Variants in KRT7 observed in about 807,000 individuals in gnomAD.
KRT7 encodes keratin 7.
KRT7 carries 50 observed loss-of-function variants against 42.8 expected under a neutral mutation model. That is an observed-to-expected ratio of 1.17 (90% CI 0.93 to 1.48). The LOEUF (loss-of-function observed/expected upper bound fraction) is 1.48. Among genes scored for constraint, KRT7 ranks in the 40% most tolerant of loss-of-function variants. The pLI, the probability that KRT7 is intolerant of heterozygous loss-of-function variation, is 0.00. For synonymous variants in KRT7, 268 were observed against 266.3 expected (o/e 1.01, Z -0.06); for missense variants, 588 against 637.6 (o/e 0.92, Z 0.84).
Position 52,238,774 on chromosome 12 carries a change from C to A in KRT7, c.692C>A (p.Thr231Lys). Residue 231 changes from threonine (T) to lysine (K), a missense_variant and splice_region_variant, in exon 4 of 9, where the codon ACG becomes AAG. By Grantham distance (78) the Thr-to-Lys change is moderately conservative. Transcript: ENST00000331817. ...AACTTCCTCAGGACCCTCAATGAGA[C>A]GGTGAGGACCATGGAGCTGGGTGAC... is the stretch of plus-strand genomic sequence containing the variant. ...EINFLRTLNETELTELQSQIS... is the reference protein window; with the variant it reads ...EINFLRTLNEKELTELQSQIS... 1 of 1,593,430 alleles carries A rather than the reference C, an allele frequency of 6.3e-7. No homozygotes were observed. The highest frequency in any genetic ancestry group is 8.6e-7 in the Non-Finnish European group (1 of 1,161,020).
At chr12:52,239,033 A>C (rs1350280700) in intron 4 of KRT7, among the ~76,000 whole-genome samples, 1 of 152,248 alleles carries the variant, frequency 6.6e-6, no homozygotes, top group Non-Finnish European at 1.5e-5. Context: ...CCTCTAGTGC[A>C]CAGGTCCCTC....
At chr12:52,234,333 C>T (rs1057454643) in intron 1 of KRT7, among the ~76,000 whole-genome samples, 7 of 152,234 alleles carry the variant, frequency 4.6e-5, no homozygotes, top group African/African-American at 1.7e-4. Context: ...CTGGAGGGGG[C>T]GAGGGCAGAC....
At chr12:52,254,270 TC>T, downstream of KRT7, 1 of 942,372 alleles carries the variant, frequency 1.1e-6, no homozygotes. Flanking sequence ...ACCCCGCACC[TC>T]CTCATATAGC....
In KRT7 at chr12:52,237,380, G is replaced by GT. The variant is rs1379284418; in HGVS notation, c.537-123dup. On this transcript the variant is annotated intron_variant, in intron 2 of 8. Coordinates refer to ENST00000331817, the MANE Select transcript of KRT7 (RefSeq NM_005556.4). Reference sequence around the variant, plus strand: ...AAATTTGGTTTTGTAGCTGACACCTGTTTTTTCAGGTGTGTCTTTAAAGAG... The same window carrying GT: ...AAATTTGGTTTTGTAGCTGACACCTGTTTTTTTCAGGTGTGTCTTTAAAGAG... 5 of 622,940 alleles carry GT rather than the reference G, an allele frequency of 8.0e-6. No individual in the cohort carries two copies. The South Asian group carries it at 9.3e-5, about 12-fold the overall frequency. 38.6% of individuals were successfully genotyped at this position (622,940 alleles called of 1,614,324 possible). A position where few individuals can be genotyped will look rare whatever the true frequency, so the allele number is the denominator to read the frequency against.
In KRT7 at chr12:52,248,742, C is replaced by T. The variant is rs1408833710; in HGVS notation, c.1392C>T (p.Arg464=). The T allele has an allele frequency of 1.9e-6, 3 of 1,582,932 alleles. No homozygotes were observed. The highest frequency in any genetic ancestry group is 1.7e-6 in the Non-Finnish European group (2 of 1,166,138). Residue 464 remains arginine (R), a synonymous_variant, in exon 9 of 9, where the codon CGC becomes CGT. Coordinates refer to ENST00000331817, the MANE Select transcript of KRT7 (RefSeq NM_005556.4). ...AYSIRTASAS[R]RSARD ...CCATCCGGACCGCATCCGCCAGTCG[C>T]AGGAGTGCCCGCGACTGAGCCGCCT...
At chr12:52,235,404 C>T (rs763888266) in intron 2 of KRT7, 38 bp downstream of exon 2, 47 of 1,543,146 alleles carry the variant, frequency 3.0e-5, no homozygotes, top group South Asian at 1.3e-4. Context: ...ACCCCTGCCC[C>T]GGGCCAATGT....
downstream of KRT7, chr12:52,253,488 C>T: frequency 6.4e-7 from 1 of 1,553,798 alleles, no homozygotes; most frequent in Non-Finnish European, 8.8e-7. Context: ...AGAGGCAGCC[C>T]TTATCTTCCC....
intron 5 of KRT7, among the ~76,000 whole-genome samples, chr12:52,242,390 G>C (rs1389693107): frequency 6.6e-6 from 1 of 152,212 alleles, no homozygotes; most frequent in East Asian, 1.9e-4. Flanking sequence ...GAGGGCCCTA[G>C]ACCTGGGAGG....
rs537765711 is a variant in KRT7, at chr12:52,240,540, G to C, written c.694-932G>C. On this transcript the variant is annotated intron_variant, in intron 4 of 8. Transcript: ENST00000331817. ...AGCTACACGGGAGGCTGAGACAGGA[G>C]AACTGGTTGAACCTGGAAGGTGGAG... Among the ~76,000 whole-genome samples, 4 of 152,130 alleles carry C rather than the reference G, an allele frequency of 2.6e-5. No individual in the cohort carries two copies. The East Asian group carries it at 5.8e-4, about 22-fold the overall frequency.
At chr12:52,241,400 G>A in intron 4 of KRT7, 72 bp from the exon 5 acceptor site, 1 of 1,324,714 alleles carries the variant, frequency 7.5e-7, no homozygotes, top group South Asian at 1.5e-5. Flanking sequence ...TCCTTTGTGA[G>A]TGGGGAATCC....
Position 52,235,239 on chromosome 12 carries a change from C to G in KRT7, c.409C>G (p.Leu137Val), listed in dbSNP as rs754269896. ...GCAGAAGTCGGCCAAGAGCAGCCGC[C>G]TCCCAGACATCTTTGAGGCCCAGAT... is the stretch of plus-strand genomic sequence containing the variant. ...QEQKSAKSSRLPDIFEAQIAG... is the reference protein window; with the variant it reads ...QEQKSAKSSRVPDIFEAQIAG... The change falls in exon 2 of 9, where the codon CTC (leucine) becomes GTC (valine). Residue 137 changes from leucine to valine, a missense_variant. Physicochemically the swap from Leu to Val is conservative, Grantham distance 32. Coordinates refer to ENST00000331817, the MANE Select transcript of KRT7 (RefSeq NM_005556.4). The G allele has an allele frequency of 2.2e-5, 35 of 1,614,196 alleles. No homozygotes were observed. In the East Asian group the frequency reaches 7.6e-4, roughly 35 times the overall value.
Position 52,235,329 on chromosome 12 carries a change from C to A in KRT7, c.499C>A (p.Arg167=). 6.2e-7 allele frequency: 1 copy of A among 1,613,506 alleles called. No individual in the cohort carries two copies. ...VDGGRLEAEL[R]SMQDVVEDFK... The stretch of plus-strand genomic sequence containing the variant: ...TGGGGGCCGCCTGGAGGCGGAGCTG[C>A]GGAGCATGCAGGATGTGGTGGAGGA... Residue 167 remains arginine (R), a synonymous_variant, in exon 2 of 9, where the codon CGG becomes AGG. Coordinates refer to ENST00000331817, the MANE Select transcript of KRT7 (RefSeq NM_005556.4).
chr12:52,234,947 A>G (rs1048145912), intron 1 of KRT7, among the ~76,000 whole-genome samples: 2 of 152,176 alleles, frequency 1.3e-5, no homozygotes, highest in African/African-American at 4.8e-5. Flanking sequence ...ACCACGGGGC[A>G]CTTCCGTGCA....
Position 52,238,789 on chromosome 12 carries a change from A to G in KRT7, c.693+14A>G, listed in dbSNP as rs7300317. 832,410 of 1,538,626 alleles carry G rather than the reference A, an allele frequency of 0.54. 227,895 individuals carry two copies. Among genetic ancestry groups the G allele is most frequent in the African/African-American group, 0.59 (42,985 of 73,420 alleles). Reference sequence around the variant, plus strand: ...CTCAATGAGACGGTGAGGACCATGGAGCTGGGTGACATGTCTTATCCTACC... The same window carrying G: ...CTCAATGAGACGGTGAGGACCATGGGGCTGGGTGACATGTCTTATCCTACC... On this transcript the variant is annotated intron_variant, in intron 4 of 8. Transcript: ENST00000331817.
At chr12:52,241,443 A>T in intron 4 of KRT7, 29 bp from the exon 5 acceptor site, 1 of 1,573,906 alleles carries the variant, frequency 6.4e-7, no homozygotes, top group South Asian at 1.2e-5. Context: ...TCCTGCCCTA[A>T]GTCCTGATGT....
Position 52,245,564 on chromosome 12 carries a change from G to A in KRT7, c.1137G>A (p.Met379Ile). Reference protein sequence around the residue: ...ARQLREYQELMSVKLALDIEI... With the variant: ...ARQLREYQELISVKLALDIEI... ...AGCTGCGTGAGTACCAGGAACTCAT[G>A]AGCGTGAAGCTGGCCCTGGACATCG... The change falls in exon 7 of 9, where the codon ATG becomes ATA. Residue 379 changes from methionine (M) to isoleucine (I), a missense_variant. By Grantham distance (10) the Met-to-Ile change is conservative (BLOSUM62 1). Transcript: ENST00000331817. The A allele has an allele frequency of 1.2e-6, 2 of 1,614,170 alleles. No homozygotes were observed. The highest frequency in any genetic ancestry group is 1.7e-4 in the Middle Eastern group (1 of 5,988).
At chr12:52,250,634 G>T, downstream of KRT7, 1 of 787,256 alleles carries the variant, frequency 1.3e-6, no homozygotes, top group Non-Finnish European at 2.1e-6. Flanking sequence ...CGCGAGAGCT[G>T]CTGACACCTG....
At chr12:52,234,969 T>C (rs1941989040) in intron 1 of KRT7, among the ~76,000 whole-genome samples, 186 bp from the exon 2 acceptor site, 1 of 152,232 alleles carries the variant, frequency 6.6e-6, no homozygotes, top group African/African-American at 2.4e-5. Flanking sequence ...CAGGCAGACC[T>C]GCTTCCTGGA....
At chr12:52,251,955 A>G, downstream of KRT7, 2 of 567,246 alleles carry the variant, frequency 3.5e-6, no homozygotes, top group Non-Finnish European at 3.3e-6. Context: ...TACTATCTGA[A>G]GCTCTAAGAA....
Sources: allele counts gnomAD v4.1 joint callset (sites outside exome capture counted in the v4.1 genomes callset), GRCh38; gene constraint gnomAD v4.1.1; transcripts MANE v1.5; gene names NCBI Gene and HGNC (gene_info 2026-07-23, HGNC 2026-07-21).